The following DENND2C variants were observed in gnomAD, a reference collection of about 807,000 sequenced individuals.
DENND2C encodes the protein DENN domain-containing protein 2C.
Under a neutral mutation model 112.4 loss-of-function variants are expected in DENND2C, and 72 were observed. The ratio of observed to expected loss-of-function variants is 0.64; its 90% CI spans 0.53 to 0.78. The LOEUF (loss-of-function observed/expected upper bound fraction) is 0.78, where lower values mean the gene tolerates loss of function less well. Among genes scored for constraint, DENND2C ranks in the 30% least tolerant of loss-of-function variants. DENND2C has a pLI of 0.00. For synonymous variants in DENND2C, 329 were observed against 381.6 expected (o/e 0.86, Z 1.61); for missense variants, 992 against 1,113.8 (o/e 0.89, Z 1.56).
intron 3 of DENND2C, among the ~76,000 whole-genome samples, chr1:114,632,006 A>G (rs1656503887): frequency 6.6e-6 from 1 of 152,202 alleles, no homozygotes; most frequent in African/African-American, 2.4e-5. Context: ...TGAAATGAAA[A>G]ATTCACTGGA....
intron 1 of DENND2C, among the ~76,000 whole-genome samples, chr1:114,660,244 T>G (rs1357101035): frequency 2.0e-5 from 3 of 152,238 alleles, no homozygotes; most frequent in Admixed American, 1.3e-4. Flanking sequence ...TTAATATAAT[T>G]AACAACTTTC....
chr1:114,602,182 G>C lies in DENND2C; in HGVS notation c.1680C>G (p.Ser560=), dbSNP rs1655531370. 1 of 1,613,402 alleles carries C rather than the reference G, an allele frequency of 6.2e-7. No individual in the cohort carries two copies. The highest frequency in any genetic ancestry group is 8.5e-7 in the Non-Finnish European group (1 of 1,179,752). Residue 560 remains serine (S), a synonymous_variant, in exon 12 of 21, where the codon TCC becomes TCG. Transcript: ENST00000393274. ...PTSELKSETF[S]FVLTGEDGSR... ...TTCCATCTTCACCAGTCAAGACAAA[G>C]GAGAATGTTTCACTGAAAAAAGAGC... is the stretch of plus-strand genomic sequence containing the variant.
intron 20 of DENND2C, among the ~76,000 whole-genome samples, chr1:114,586,303 A>C (rs747459998): frequency 6.6e-6 from 1 of 152,190 alleles, no homozygotes; most frequent in Non-Finnish European, 1.5e-5. Context: ...GGAGTACCAA[A>C]GATAGACTTC....
At chr1:114,632,694 T>C (rs887600241) in intron 3 of DENND2C, among the ~76,000 whole-genome samples, 6 of 152,184 alleles carry the variant, frequency 3.9e-5, no homozygotes, top group African/African-American at 1.2e-4. Context: ...ACACATAAAG[T>C]TTTTTCTTTT....
chr1:114,615,182 CAG>C (rs921487707), intron 8 of DENND2C, among the ~76,000 whole-genome samples: 11 of 152,252 alleles, frequency 7.2e-5, no homozygotes, highest in African/African-American at 2.4e-4. Context: ...CTATCTGCCA[CAG>C]AGTTATTTAG....
intron 2 of DENND2C, among the ~76,000 whole-genome samples, chr1:114,651,874 G>A (rs561250415): frequency 2.6e-5 from 4 of 151,932 alleles, no homozygotes; most frequent in Admixed American, 6.5e-5. Context: ...ATCTGTGTAG[G>A]AGGGCTGCCT....
In DENND2C at chr1:114,608,797, A is replaced by G. The variant is rs747891365; in HGVS notation, c.1446T>C (p.Leu482=). The change falls in exon 10 of 21, where the codon CTT becomes CTC. Residue 482 remains leucine, a synonymous_variant. Transcript: ENST00000393274. The stretch of plus-strand genomic sequence containing the variant: ...ACAGCTGCTGCTCCTGTAATTCAAT[A>G]AGATCCCGCTCCAAGGTCTGGTAGT... ...NPHYQTLERD[L]IELQEQQLFE... 1.9e-6 allele frequency: 3 copies of G among 1,614,196 alleles called. No individual in the cohort carries two copies. The South Asian group carries it at 3.3e-5, about 18-fold the overall frequency.
At chr1:114,604,659 C>CTTTT (rs35947354) in intron 11 of DENND2C, among the ~76,000 whole-genome samples, 7 of 145,796 alleles carry the variant, frequency 4.8e-5, no homozygotes, top group African/African-American at 1.0e-4. Context: ...TAAAATAGAA[C>CTTTT]TTTTTTTTTT....
At chr1:114,633,715 G>A (rs1656565605) in intron 3 of DENND2C, among the ~76,000 whole-genome samples, 2 of 151,876 alleles carry the variant, frequency 1.3e-5, no homozygotes, top group Non-Finnish European at 2.9e-5. Context: ...CCCTAAGAAC[G>A]GTAACAACAA....
chr1:114,665,637 G>A (rs1347706982), intron 1 of DENND2C, among the ~76,000 whole-genome samples: 1 of 152,150 alleles, frequency 6.6e-6, no homozygotes, highest in Non-Finnish European at 1.5e-5. Flanking sequence ...AAATTGAGGA[G>A]CATCTGTACT....
chr1:114,670,028 G>A lies in DENND2C; in HGVS notation c.-619C>T. Reference sequence around the variant, plus strand: ...TCTCCTGTGGCCAAGCTAGTCTCCCGGGTATCACTCGGGTCCGCTCCGTCC... The same window carrying A: ...TCTCCTGTGGCCAAGCTAGTCTCCCAGGTATCACTCGGGTCCGCTCCGTCC... On this transcript the variant is annotated 5_prime_UTR_variant, in exon 1 of 21. Coordinates refer to ENST00000393274, the MANE Select transcript of DENND2C (RefSeq NM_001256404.2). The A allele has an allele frequency of 6.5e-6, 1 of 152,906 alleles. No individual in the cohort carries two copies. The highest frequency in any genetic ancestry group is 1.5e-5 in the Non-Finnish European group (1 of 68,556). 9.5% of individuals were successfully genotyped at this position (152,906 alleles called of 1,614,324 possible).
At chr1:114,627,521 A>T (rs1248872035) in intron 3 of DENND2C, among the ~76,000 whole-genome samples, 1 of 152,036 alleles carries the variant, frequency 6.6e-6, no homozygotes, top group African/African-American at 2.4e-5. Flanking sequence ...AACCATTCCT[A>T]CATACAAATT....
chr1:114,591,860 TTTATTA>T (rs138511726), intron 18 of DENND2C, among the ~76,000 whole-genome samples: 11 of 148,174 alleles, frequency 7.4e-5, no homozygotes, highest in South Asian at 2.1e-4. Context: ...CCTAGTATCA[TTTATTA>T]TTATTATTAT....
At chr1:114,654,023 GA>G (rs991398361) in intron 2 of DENND2C, among the ~76,000 whole-genome samples, 2 of 152,160 alleles carry the variant, frequency 1.3e-5, no homozygotes, top group Non-Finnish European at 2.9e-5. Flanking sequence ...TAATCTGTAA[GA>G]ATAAATAGAA....
chr1:114,592,988 G>T (rs1655238176), intron 18 of DENND2C, among the ~76,000 whole-genome samples: 1 of 152,004 alleles, frequency 6.6e-6, no homozygotes, highest in African/African-American at 2.4e-5. Flanking sequence ...ACTCCTGTTT[G>T]TTTTTTATTT....
chr1:114,644,331 C>T (rs550274784), intron 3 of DENND2C, among the ~76,000 whole-genome samples: 3 of 152,136 alleles, frequency 2.0e-5, no homozygotes, highest in African/African-American at 7.2e-5. Context: ...TTACTTCTCT[C>T]CCTCACTGGA....
rs977488198 is a variant in DENND2C at position 114,584,593 on chromosome 1, T to C, written c.*1007A>G. On this transcript the variant is annotated 3_prime_UTR_variant, in exon 21 of 21. Coordinates refer to ENST00000393274, the MANE Select transcript of DENND2C (RefSeq NM_001256404.2). ...ACCCAGCCTCAGTTTATTAGTAAAATGGAGATGCAAATATCTATCTCATAA... is the reference window on the plus strand; with the variant it reads ...ACCCAGCCTCAGTTTATTAGTAAAACGGAGATGCAAATATCTATCTCATAA... The C allele has an allele frequency of 3.9e-5, 6 of 152,076 alleles. No individual in the cohort carries two copies. Among genetic ancestry groups the C allele is most frequent in the Admixed American group, 2.0e-4 (3 of 15,250 alleles). The allele number at this position is 152,076 out of a possible 1,614,324, so 9.4% of individuals were successfully genotyped here.
intron 18 of DENND2C, 23 bp from the exon 19 acceptor site, chr1:114,587,975 AAAAG>A (rs1332406079): frequency 3.1e-6 from 5 of 1,602,086 alleles, no homozygotes; most frequent in Middle Eastern, 3.3e-4. Context: ...GAAAAAGAAA[AAAAG>A]AAAAAAATCT....
Position 114,585,359 on chromosome 1 carries a change from G to A in DENND2C, c.*241C>T, listed in dbSNP as rs1339279657. The A allele has an allele frequency of 6.7e-6, 3 of 445,010 alleles. No homozygotes were observed. The highest frequency in any genetic ancestry group is 3.3e-5 in the East Asian group (1 of 30,614). The allele number at this position is 445,010 out of a possible 1,614,324, so 27.6% of individuals were successfully genotyped here. ...ATGAGCCCAAGAATCACATAGAAAAGGCTGCTATAAAAAAAAAATGGAGAC... is the reference window on the plus strand; with the variant it reads ...ATGAGCCCAAGAATCACATAGAAAAAGCTGCTATAAAAAAAAAATGGAGAC... On this transcript the variant is annotated 3_prime_UTR_variant, in exon 21 of 21. Coordinates refer to ENST00000393274, the MANE Select transcript of DENND2C (RefSeq NM_001256404.2).
Sources: gnomAD v4.1 joint callset for allele counts (sites outside exome capture counted in the v4.1 genomes callset) on GRCh38, gnomAD v4.1.1 for gene constraint, MANE v1.5 for transcripts, NCBI Gene and HGNC (gene_info 2026-07-23, HGNC 2026-07-21) for gene names.